The following TMEM132D variants were observed in gnomAD, a reference collection of about 807,000 sequenced individuals.
TMEM132D encodes the protein mature OL transmembrane protein.
In TMEM132D, 21 loss-of-function variants were observed where a neutral mutation model predicts 62.3. That is an observed-to-expected ratio of 0.34 (90% confidence interval 0.24 to 0.49). The LOEUF (loss-of-function observed/expected upper bound fraction) is 0.49, where lower values mean the gene tolerates loss of function less well. Among genes scored for constraint, TMEM132D ranks in the 20% least tolerant of loss-of-function variants. The probability of loss-of-function intolerance (pLI) is 0.99; values close to 1 mark genes in which losing one functional copy is unlikely to be tolerated. For synonymous variants in TMEM132D, 621 were observed against 575.6 expected (o/e 1.08, Z -1.13); for missense variants, 1,346 against 1,402.8 (o/e 0.96, Z 0.65).
intron 4 of TMEM132D, among the ~76,000 whole-genome samples, chr12:129,232,615 A>G (rs1261923721): frequency 6.6e-6 from 1 of 152,022 alleles, no homozygotes; most frequent in Non-Finnish European, 1.5e-5. Flanking sequence ...AACGATTACT[A>G]TTTGCCCCAG....
intron 3 of TMEM132D, among the ~76,000 whole-genome samples, chr12:129,373,462 C>G (rs1380460621): frequency 6.6e-6 from 1 of 151,934 alleles, no homozygotes; most frequent in Non-Finnish European, 1.5e-5. Context: ...GAAACCCCGT[C>G]TCTACTAAAA....
chr12:129,116,918 CAAAAAAAAAA>C lies in TMEM132D; in HGVS notation c.1444-32226_1444-32217del, dbSNP rs60513263. Among the ~76,000 whole-genome samples the C allele has an allele frequency of 5.2e-4, 31 of 59,048 alleles. 1 individual carries two copies. Among genetic ancestry groups the C allele is most frequent in the African/African-American group, 1.5e-3 (23 of 14,924 alleles). 38.7% of individuals were successfully genotyped at this position (59,048 alleles called of 152,430 possible). A position where few individuals can be genotyped will look rare whatever the true frequency, so the allele number is the denominator to read the frequency against. ...TACCCAAATGAGCTGAAAATTTCCGCAAAAAAAAAAAAAAAAAAAAAAAAAAAAATCTGTA... is the reference window on the plus strand; with the variant it reads ...TACCCAAATGAGCTGAAAATTTCCGCAAAAAAAAAAAAAAAAAAATCTGTA... On this transcript the variant is annotated intron_variant, in intron 5 of 8. Transcript: ENST00000422113.
At chr12:129,426,157 CCTT>C (rs1872490063) in intron 3 of TMEM132D, among the ~76,000 whole-genome samples, 1 of 152,158 alleles carries the variant, frequency 6.6e-6, no homozygotes, top group Non-Finnish European at 1.5e-5. Flanking sequence ...CATGGCAGCT[CCTT>C]CTCTCTTCAT....
intron 3 of TMEM132D, among the ~76,000 whole-genome samples, chr12:129,530,151 G>A (rs575942695): frequency 2.6e-5 from 4 of 152,232 alleles, no homozygotes; most frequent in Admixed American, 2.6e-4. Flanking sequence ...GGTTTCAAAT[G>A]CTCCTTGATC....
intron 1 of TMEM132D, among the ~76,000 whole-genome samples, chr12:129,830,168 G>A (rs753192489): frequency 7.2e-5 from 11 of 151,988 alleles, no homozygotes; most frequent in South Asian, 4.1e-4. Context: ...TTGAAGAACC[G>A]TATACATACA....
At chr12:129,145,101 AAGAC>A (rs748172918) in intron 5 of TMEM132D, among the ~76,000 whole-genome samples, 4 of 152,200 alleles carry the variant, frequency 2.6e-5, no homozygotes, top group African/African-American at 7.2e-5. Context: ...TTCATAGACT[AAGAC>A]AGTATACATA....
chr12:129,487,013 T>C (rs1014690068), intron 3 of TMEM132D, among the ~76,000 whole-genome samples: 1 of 141,942 alleles, frequency 7.0e-6, no homozygotes, highest in Non-Finnish European at 1.5e-5. Flanking sequence ...AGAGTTGATG[T>C]CTGCGAATGT....
intron 3 of TMEM132D, among the ~76,000 whole-genome samples, chr12:129,350,024 A>T (rs950461528): frequency 6.6e-5 from 10 of 152,204 alleles, no homozygotes; most frequent in Non-Finnish European, 1.5e-4. Flanking sequence ...AACATCAGAA[A>T]TCTGGCTGTC....
intron 7 of TMEM132D, among the ~76,000 whole-genome samples, chr12:129,079,232 T>C (rs530175823): frequency 6.6e-6 from 1 of 152,350 alleles, no homozygotes; most frequent in East Asian, 1.9e-4. Context: ...AGGCGGATCC[T>C]GCTGGTCCAT....
intron 2 of TMEM132D, among the ~76,000 whole-genome samples, chr12:129,546,247 T>C (rs1876733452): frequency 6.6e-6 from 1 of 152,196 alleles, no homozygotes; most frequent in South Asian, 2.1e-4. Context: ...ATAACCCTTG[T>C]CATGTACCAA....
At position 129,903,433 on chromosome 12, in the gene TMEM132D, G is replaced by C. The variant is rs1311881599; in HGVS notation, c.-94C>G. On this transcript the variant is annotated 5_prime_UTR_variant, in exon 1 of 9. Transcript: ENST00000422113. The surrounding 1 kb of genome is among the most constrained non-coding windows in gnomAD (Gnocchi z 6.2). ...CCCCTAGAGGCCCGCAGCGGGGCCG[G>C]TGGCGAGGGAGCGCCCGGCTAGGGG... 1 of 1,374,718 alleles carries C rather than the reference G, an allele frequency of 7.3e-7. No individual in the cohort carries two copies. The highest frequency in any genetic ancestry group is 1.5e-5 in the African/African-American group (1 of 68,844). 85.2% of individuals were successfully genotyped at this position (1,374,718 alleles called of 1,614,324 possible).
chr12:129,737,206 G>C (rs1392403655), intron 1 of TMEM132D, among the ~76,000 whole-genome samples: 4 of 152,244 alleles, frequency 2.6e-5, no homozygotes, highest in South Asian at 2.1e-4. Context: ...AGGATGTTTA[G>C]CAGCATTCCT....
chr12:129,555,670 A>G (rs1276852799), intron 2 of TMEM132D, among the ~76,000 whole-genome samples: 1 of 152,204 alleles, frequency 6.6e-6, no homozygotes, highest in Admixed American at 6.5e-5. Context: ...CAGGCCTTTT[A>G]AAGTTCTTAA....
At chr12:129,685,985 G>A (rs1004836964) in intron 2 of TMEM132D, among the ~76,000 whole-genome samples, 16 of 152,126 alleles carry the variant, frequency 1.1e-4, no homozygotes, top group Non-Finnish European at 1.5e-4. Flanking sequence ...ATCCAATGCC[G>A]GTACCTCCAT....
intron 5 of TMEM132D, among the ~76,000 whole-genome samples, chr12:129,190,393 GA>G (rs1298044100): frequency 4.7e-5 from 1 of 21,468 alleles, no homozygotes. Flanking sequence ...TGGAGGGAGG[GA>G]GTCTCAGGCC....
chr12:129,348,579 A>G (rs1019232084), intron 3 of TMEM132D, among the ~76,000 whole-genome samples: 2 of 152,044 alleles, frequency 1.3e-5, no homozygotes, highest in Non-Finnish European at 2.9e-5. Flanking sequence ...GGGAAGGGAG[A>G]GCATGAGGAC....
intron 5 of TMEM132D, among the ~76,000 whole-genome samples, chr12:129,144,899 G>T (rs1876846881): frequency 8.1e-6 from 1 of 123,788 alleles, no homozygotes; most frequent in South Asian, 2.3e-4. Flanking sequence ...TATCTATCCT[G>T]CTCTATCTAT....
chr12:129,558,846 C>G (rs993798828), intron 2 of TMEM132D, among the ~76,000 whole-genome samples: 3 of 152,126 alleles, frequency 2.0e-5, no homozygotes, highest in African/African-American at 7.2e-5. Context: ...TAAATGTTGT[C>G]CTGAGAAACA....
At chr12:129,695,875 GCCAAGCTGGGT>G (rs1301137975) in intron 2 of TMEM132D, among the ~76,000 whole-genome samples, 1 of 152,208 alleles carries the variant, frequency 6.6e-6, no homozygotes, top group African/African-American at 2.4e-5. Context: ...AATCTGCATG[GCCAAGCTGGGT>G]CCCATGATAT....
Sources: allele counts gnomAD v4.1 joint callset (sites outside exome capture counted in the v4.1 genomes callset), GRCh38; gene constraint gnomAD v4.1.1; non-coding constraint Gnocchi (gnomAD v3.1); transcripts MANE v1.5; gene names NCBI Gene and HGNC (gene_info 2026-07-23, HGNC 2026-07-21).